PTPRT: variants seen among roughly 807,000 people sequenced by gnomAD.
The protein encoded by PTPRT is receptor-type tyrosine-protein phosphatase T.
Under a neutral mutation model 176.8 loss-of-function variants are expected in PTPRT, and 56 were observed. The ratio of observed to expected loss-of-function variants is 0.32; its 90% confidence interval spans 0.26 to 0.40. The LOEUF (loss-of-function observed/expected upper bound fraction) is 0.40. PTPRT is among the 10% of genes least tolerant of loss of function. PTPRT has a pLI of 1.00. For synonymous variants in PTPRT, 783 were observed against 739.0 expected (o/e 1.06, Z -0.96); for missense variants, 1,540 against 1,908.2 (o/e 0.81, Z 3.60).
chr20:43,137,446 G>A (rs1186660732), intron 1 of PTPRT, among the ~76,000 whole-genome samples: 16 of 152,154 alleles, frequency 1.1e-4, no homozygotes, highest in Non-Finnish European at 4.4e-5. Context: ...CAGGCCATAC[G>A]AACTGCAAGC....
rs1048776358 is a variant in PTPRT at position 42,300,292 on chromosome 20, A to G, written c.2139+15431T>C. ...AAAAAAAAAAAAAATAGACAGAAAG[A>G]TAGATGGATAGACAGGTAGAGGGAT... On this transcript the variant is annotated intron_variant, in intron 12 of 30. Coordinates refer to ENST00000373187, the MANE Select transcript of PTPRT (RefSeq NM_007050.6). Among the ~76,000 whole-genome samples the G allele has an allele frequency of 2.7e-5, 4 of 150,704 alleles. No homozygotes were observed. In the South Asian group the frequency reaches 6.3e-4, roughly 24 times the overall value.
intron 11 of PTPRT, among the ~76,000 whole-genome samples, chr20:42,322,754 C>T (rs895042561): frequency 1.3e-5 from 2 of 151,960 alleles, no homozygotes; most frequent in Non-Finnish European, 2.9e-5. Flanking sequence ...CCAAAATTGG[C>T]AAATGGGATC....
At chr20:42,999,700 A>G (rs2867594) in intron 1 of PTPRT, among the ~76,000 whole-genome samples, 60,084 of 151,486 alleles carry the variant, frequency 0.4, 13,727 homozygotes, top group African/African-American at 0.64. Flanking sequence ...CTAGCTACTT[A>G]GGAGGCTGAG....
intron 8 of PTPRT, among the ~76,000 whole-genome samples, chr20:42,467,100 T>C (rs1206921563): frequency 2.0e-5 from 3 of 152,114 alleles, no homozygotes; most frequent in Admixed American, 6.5e-5. Context: ...AAACAACTCT[T>C]CTCTAAAGAA....
At chr20:42,993,203 G>A (rs545846046) in intron 1 of PTPRT, among the ~76,000 whole-genome samples, 13 of 151,850 alleles carry the variant, frequency 8.6e-5, no homozygotes, top group African/African-American at 2.2e-4. Flanking sequence ...TGGATCACAC[G>A]GTCAAGAGAC....
At chr20:42,880,509 C>A (rs867387121) in intron 2 of PTPRT, among the ~76,000 whole-genome samples, 7 of 152,328 alleles carry the variant, frequency 4.6e-5, no homozygotes, top group Middle Eastern at 3.4e-3. Context: ...GGCTTCAGCC[C>A]TTTCCGAAGG....
chr20:42,169,743 A>AACACAC (rs56329932), intron 16 of PTPRT, among the ~76,000 whole-genome samples: 5,130 of 104,504 alleles, frequency 0.049, 164 homozygotes, highest in African/African-American at 0.078. Context: ...ACAATTTTCA[A>AACACAC]ACACACACAC....
At chr20:42,508,976 ATAATTTATATT>A (rs1462862504) in intron 7 of PTPRT, among the ~76,000 whole-genome samples, 1 of 134,192 alleles carries the variant, frequency 7.5e-6, no homozygotes, top group East Asian at 2.2e-4. Context: ...TATAAATTAT[ATAATTTATATT>A]TAATTTATAG....
At chr20:42,108,414 A>AAAT (rs1348122706) in intron 23 of PTPRT, among the ~76,000 whole-genome samples, 2 of 151,020 alleles carry the variant, frequency 1.3e-5, no homozygotes, top group African/African-American at 4.9e-5. Flanking sequence ...ATAATAATTA[A>AAAT]AATACTCACT....
intron 1 of PTPRT, among the ~76,000 whole-genome samples, chr20:43,178,605 A>G (rs2015176327): frequency 6.6e-6 from 1 of 152,228 alleles, no homozygotes; most frequent in African/African-American, 2.4e-5. Context: ...CTGGACACTG[A>G]AATGGCTTTG....
chr20:42,551,067 T>C (rs1248427918), intron 7 of PTPRT, among the ~76,000 whole-genome samples: 2 of 152,298 alleles, frequency 1.3e-5, no homozygotes, highest in East Asian at 3.9e-4. Flanking sequence ...AGCTTCTTCA[T>C]GCATTGTTTT....
At chr20:42,739,291 T>TA (rs11336834) in intron 6 of PTPRT, among the ~76,000 whole-genome samples, 1,417 of 22,886 alleles carry the variant, frequency 0.062, 16 homozygotes, top group African/African-American at 0.16. Context: ...AAGGGAGAGA[T>TA]AAAAAAAAAG....
At chr20:42,929,773 A>G (rs979045933) in intron 1 of PTPRT, among the ~76,000 whole-genome samples, 8 of 152,244 alleles carry the variant, frequency 5.3e-5, no homozygotes, top group African/African-American at 1.4e-4. Context: ...TTGTAGGAAT[A>G]CAAGCGTCCT....
chr20:42,121,718 G>T (rs1987602221), intron 19 of PTPRT, among the ~76,000 whole-genome samples: 1 of 143,276 alleles, frequency 7.0e-6, no homozygotes, highest in Non-Finnish European at 1.5e-5. Flanking sequence ...TATATATATA[G>T]TATTCCATAT....
intron 7 of PTPRT, among the ~76,000 whole-genome samples, chr20:42,526,848 T>C (rs1189940863): frequency 6.6e-6 from 1 of 152,096 alleles, no homozygotes; most frequent in African/African-American, 2.4e-5. Flanking sequence ...TTATGGTACA[T>C]AGCATTGGTT....
At chr20:42,950,182 A>G (rs1981151029) in intron 1 of PTPRT, among the ~76,000 whole-genome samples, 1 of 152,206 alleles carries the variant, frequency 6.6e-6, no homozygotes, top group South Asian at 2.1e-4. Context: ...GGTTGGGAGC[A>G]CTGGTGCCCT....
chr20:42,828,761 T>C (rs2078039006), intron 2 of PTPRT, among the ~76,000 whole-genome samples: 1 of 152,102 alleles, frequency 6.6e-6, no homozygotes, highest in Admixed American at 6.5e-5. Context: ...GCACATAAGT[T>C]AAGAATTGAG....
chr20:43,056,997 T>C (rs1379971998), intron 1 of PTPRT, among the ~76,000 whole-genome samples: 1 of 151,938 alleles, frequency 6.6e-6, no homozygotes, highest in Non-Finnish European at 1.5e-5. Flanking sequence ...CTCCAGGGCA[T>C]TGTGCTGAGG....
intron 1 of PTPRT, among the ~76,000 whole-genome samples, chr20:43,152,856 A>AT (rs1406816970): frequency 6.6e-6 from 1 of 152,206 alleles, no homozygotes; most frequent in Non-Finnish European, 1.5e-5. Flanking sequence ...AAAATGTCCC[A>AT]TTTAACATTC....
Sources: gnomAD v4.1 joint callset for allele counts (sites outside exome capture counted in the v4.1 genomes callset) on GRCh38, gnomAD v4.1.1 for gene constraint, MANE v1.5 for transcripts, NCBI Gene and HGNC (gene_info 2026-07-23, HGNC 2026-07-21) for gene names.